Variants in ME2 observed in about 807,000 individuals in gnomAD.
The protein encoded by ME2 is malic enzyme 2.
Under a neutral mutation model 73.7 loss-of-function variants are expected in ME2, and 60 were observed. That is an observed-to-expected ratio of 0.81 (90% CI 0.66 to 1.01). The LOEUF (loss-of-function observed/expected upper bound fraction) is 1.01, where lower values mean the gene tolerates loss of function less well. ME2 is among the 50% of genes least tolerant of loss of function. The pLI is 0.00. For missense variants in ME2, 594 were observed against 705.5 expected (o/e 0.84, Z 1.79); for synonymous variants, 199 against 236.9 (o/e 0.84, Z 1.47).
chr18:50,893,822 T>G (rs1250945760), intron 1 of ME2, among the ~76,000 whole-genome samples: 1 of 152,228 alleles, frequency 6.6e-6, no homozygotes, highest in Non-Finnish European at 1.5e-5. Context: ...CCACAATTAA[T>G]TCTTAAATTT....
At chr18:50,900,962 G>A (rs1916875165) in intron 2 of ME2, among the ~76,000 whole-genome samples, 1 of 152,146 alleles carries the variant, frequency 6.6e-6, no homozygotes, top group African/African-American at 2.4e-5. Flanking sequence ...AGCAGCATGA[G>A]AATGGGCTAA....
intron 1 of ME2, among the ~76,000 whole-genome samples, chr18:50,890,818 G>A (rs1162799460): frequency 2.0e-5 from 3 of 152,044 alleles, no homozygotes; most frequent in Non-Finnish European, 4.4e-5. Flanking sequence ...AATTTTAATT[G>A]CTATGTACCA....
At chr18:50,904,954 G>A (rs566634217) in intron 2 of ME2, among the ~76,000 whole-genome samples, 1 of 151,640 alleles carries the variant, frequency 6.6e-6, no homozygotes, top group South Asian at 2.1e-4. Flanking sequence ...GCATATGTTG[G>A]CATACTTGAT....
At position 50,950,415 on chromosome 18, in the gene ME2, A is replaced by T. The variant is rs1051703670; in HGVS notation, c.*3231A>T. ...AGGCAGCAGAATCTTTTGGAGAACT[A>T]ACAAGATTCTGATGCTGATGCATAG... On this transcript the variant is annotated 3_prime_UTR_variant, in exon 16 of 16. Coordinates refer to ENST00000321341, the MANE Select transcript of ME2 (RefSeq NM_002396.5). 2 of 147,746 alleles carry T rather than the reference A, an allele frequency of 1.4e-5. No individual in the cohort carries two copies. The highest frequency in any genetic ancestry group is 5.0e-5 in the African/African-American group (2 of 40,008). 9.2% of individuals were successfully genotyped at this position (147,746 alleles called of 1,614,324 possible).
intron 15 of ME2, among the ~76,000 whole-genome samples, chr18:50,944,467 CT>C (rs1316292741): frequency 6.6e-6 from 1 of 152,134 alleles, no homozygotes; most frequent in Non-Finnish European, 1.5e-5. Context: ...CAAATAGCCA[CT>C]GATTCACCCC....
Position 50,912,848 on chromosome 18 carries a change from A to C in ME2, c.290A>C (p.Tyr97Ser). Residue 97 changes from tyrosine (Y) to serine (S), a missense_variant, in exon 4 of 16, where the codon TAT (tyrosine) becomes TCT (serine). By Grantham distance (144) the Tyr-to-Ser change is moderately radical (BLOSUM62 -2). Coordinates refer to ENST00000321341, the MANE Select transcript of ME2 (RefSeq NM_002396.5). Reference protein sequence around the residue: ...GIQERNEKLFYRILQDDIESL... With the variant: ...GIQERNEKLFSRILQDDIESL... ...CAAGAAAGAAATGAGAAATTGTTTT[A>C]TAGAATACTGCAAGATGACATTGAG... 1 of 1,606,554 alleles carries C rather than the reference A, an allele frequency of 6.2e-7. No homozygotes were observed. Among genetic ancestry groups the C allele is most frequent in the Non-Finnish European group, 8.5e-7 (1 of 1,175,242 alleles).
chr18:50,887,643 G>T (rs1370189815), intron 1 of ME2, among the ~76,000 whole-genome samples: 1 of 152,134 alleles, frequency 6.6e-6, no homozygotes, highest in Non-Finnish European at 1.5e-5. Context: ...TTCTACCTGA[G>T]GTATGTAACC....
At chr18:50,921,282 A>T (rs1917421312) in intron 10 of ME2, 95 bp downstream of exon 10, 3 of 610,636 alleles carry the variant, frequency 4.9e-6, no homozygotes, top group Non-Finnish European at 2.7e-6. Flanking sequence ...TTCTCATTGG[A>T]GTCTCCAAAT....
chr18:50,946,310 G>A (rs1487501533), intron 15 of ME2, among the ~76,000 whole-genome samples: 1 of 152,088 alleles, frequency 6.6e-6, no homozygotes, highest in Non-Finnish European at 1.5e-5. Flanking sequence ...GCCACCTTTG[G>A]TGGGGAGTAG....
At chr18:50,917,725 A>G (rs1193629214) in intron 6 of ME2, among the ~76,000 whole-genome samples, 1 of 152,154 alleles carries the variant, frequency 6.6e-6, no homozygotes, top group Non-Finnish European at 1.5e-5. Context: ...TAATCCCAGG[A>G]CATTGGAAGG....
chr18:50,944,375 G>T (rs1918035866), intron 15 of ME2, among the ~76,000 whole-genome samples: 1 of 152,180 alleles, frequency 6.6e-6, no homozygotes, highest in Non-Finnish European at 1.5e-5. Context: ...TGCTGTGTCT[G>T]CAGTGGCATA....
At position 50,950,467 on chromosome 18, in the gene ME2, C is replaced by CCTTTTTTTTTTTT. The variant is rs1320031263; in HGVS notation, c.*3283_*3284insCTTTTTTTTTTTT. Reference sequence around the variant, plus strand: ...GCCTGGGGTGGGGCCTCAGATTCTGCTTTTTTTTTTTTTTTTTTTTTTTTT... The same window carrying CCTTTTTTTTTTTT: ...GCCTGGGGTGGGGCCTCAGATTCTGCCTTTTTTTTTTTTTTTTTTTTTTTTTTTTTTTTTTTTT... On this transcript the variant is annotated 3_prime_UTR_variant, in exon 16 of 16. Coordinates refer to ENST00000321341, the MANE Select transcript of ME2 (RefSeq NM_002396.5). The CCTTTTTTTTTTTT allele has an allele frequency of 6.7e-5, 3 of 45,074 alleles. No homozygotes were observed. The highest frequency in any genetic ancestry group is 2.7e-4 in the African/African-American group (3 of 11,286). The allele number at this position is 45,074 out of a possible 1,614,324, so 2.8% of individuals were successfully genotyped here.
intron 1 of ME2, among the ~76,000 whole-genome samples, chr18:50,894,120 T>C (rs1192358690): frequency 6.6e-6 from 1 of 152,240 alleles, no homozygotes; most frequent in African/African-American, 2.4e-5. Flanking sequence ...CTAAGCCTCA[T>C]ACAAGTGGTC....
intron 1 of ME2, among the ~76,000 whole-genome samples, chr18:50,891,260 T>A (rs1196573432): frequency 6.6e-6 from 1 of 152,224 alleles, no homozygotes; most frequent in Admixed American, 6.5e-5. Context: ...TTAAGCTTTT[T>A]CAAGAGGGAG....
At chr18:50,898,885 T>C (rs1916817510) in intron 2 of ME2, among the ~76,000 whole-genome samples, 2 of 152,216 alleles carry the variant, frequency 1.3e-5, no homozygotes, top group African/African-American at 4.8e-5. Context: ...GTAAATAATA[T>C]AGGTAATAGC....
In ME2 at chr18:50,925,915, G is replaced by A; in HGVS notation, c.1314+17G>A. 1 of 1,548,660 alleles carries A rather than the reference G, an allele frequency of 6.5e-7. No individual in the cohort carries two copies. The highest frequency in any genetic ancestry group is 8.9e-7 in the Non-Finnish European group (1 of 1,121,262). On this transcript the variant is annotated intron_variant, in intron 12 of 15. Transcript: ENST00000321341. The stretch of plus-strand genomic sequence containing the variant: ...CTTACAGAGGTATTAATAATCACAT[G>A]AATTGATATGTATATTATTTTCCCT...
intron 1 of ME2, among the ~76,000 whole-genome samples, chr18:50,886,782 A>G (rs114285701): frequency 0.011 from 1,604 of 152,124 alleles, 36 homozygotes; most frequent in African/African-American, 0.034. Flanking sequence ...TGACAGATCA[A>G]TTGAGGCCAG....
intron 13 of ME2, among the ~76,000 whole-genome samples, chr18:50,937,701 A>C (rs1917849469): frequency 6.6e-6 from 1 of 152,162 alleles, no homozygotes; most frequent in Non-Finnish European, 1.5e-5. Flanking sequence ...AAAAAATAGA[A>C]AGCAAAACAA....
chr18:50,897,623 G>T (rs906005122), intron 2 of ME2, among the ~76,000 whole-genome samples: 2 of 152,160 alleles, frequency 1.3e-5, no homozygotes, highest in Non-Finnish European at 2.9e-5. Context: ...CACTTTGGGA[G>T]GCTGAGGTGG....
Sources: gnomAD v4.1 joint callset for allele counts (sites outside exome capture counted in the v4.1 genomes callset) on GRCh38, gnomAD v4.1.1 for gene constraint, MANE v1.5 for transcripts, NCBI Gene and HGNC (gene_info 2026-07-23, HGNC 2026-07-21) for gene names.